OXR1: variants seen among roughly 807,000 people sequenced by gnomAD.
OXR1 encodes oxidation resistance protein 1.
A neutral mutation model predicts 104.6 loss-of-function variants in OXR1; 41 were observed. The ratio of observed to expected loss-of-function variants is 0.39; its 90% CI spans 0.31 to 0.51. The LOEUF (loss-of-function observed/expected upper bound fraction) is 0.51, where lower values mean the gene tolerates loss of function less well. Among genes scored for constraint, OXR1 ranks in the 20% least tolerant of loss-of-function variants. The probability of loss-of-function intolerance (pLI) is 0.77; values close to 1 mark genes in which losing one functional copy is unlikely to be tolerated. For missense variants in OXR1, 955 were observed against 1,031.9 expected (o/e 0.93, Z 1.02); for synonymous variants, 348 against 348.4 (o/e 1.00, Z 0.01).
chr8:106,719,439 C>T (rs1563743885), intron 11 of OXR1, among the ~76,000 whole-genome samples: 1 of 152,144 alleles, frequency 6.6e-6, no homozygotes, highest in Admixed American at 6.5e-5. Flanking sequence ...TCCAATTGTT[C>T]ATAGTTATTC....
At chr8:106,569,883 T>A (rs1486266634) in intron 3 of OXR1, among the ~76,000 whole-genome samples, 1 of 152,242 alleles carries the variant, frequency 6.6e-6, no homozygotes, top group African/African-American at 2.4e-5. Context: ...TGGAATCAAA[T>A]GTGAAATGTC....
chr8:106,713,343 T>C (rs536284736), intron 10 of OXR1, among the ~76,000 whole-genome samples: 2 of 152,060 alleles, frequency 1.3e-5, no homozygotes, highest in Admixed American at 6.6e-5. Context: ...TAAGATTAGA[T>C]CATCTGTCTC....
Position 106,741,170 on chromosome 8 carries a change from A to G in OXR1, c.2316+675A>G, listed in dbSNP as rs28924687. ...TCAACTTGCCCAAGGTTACATACCC[A>G]AGAAAAAGTATTTGCACCAATGAAA... On this transcript the variant is annotated intron_variant, in intron 14 of 16. Transcript: ENST00000517566. 2.6e-3 allele frequency among the ~76,000 whole-genome samples: 393 copies of G among 152,306 alleles called. 3 individuals are homozygous for G. Among genetic ancestry groups the G allele is most frequent in the Middle Eastern group, 3.4e-3 (1 of 294 alleles).
chr8:106,302,711 A>C (rs762624848), intron 1 of OXR1, among the ~76,000 whole-genome samples: 20 of 152,000 alleles, frequency 1.3e-4, no homozygotes, highest in Non-Finnish European at 2.2e-4. Flanking sequence ...ATTTGTGGGG[A>C]AGAAAGGGAA....
chr8:106,622,453 GCACA>G lies in OXR1; in HGVS notation c.221-56727_221-56724del, dbSNP rs34839524. Reference sequence around the variant, plus strand: ...ACAGGGCCCTAACTGATCACCCCCAGCACACACACACACACACACACACACACAC... The same window carrying G: ...ACAGGGCCCTAACTGATCACCCCCAGCACACACACACACACACACACACAC... On this transcript the variant is annotated intron_variant, in intron 3 of 16. Coordinates refer to ENST00000517566, the MANE Select transcript of OXR1 (RefSeq NM_001198533.2). 5.8e-3 allele frequency among the ~76,000 whole-genome samples: 793 copies of G among 136,350 alleles called. 6 individuals carry two copies. The highest frequency in any genetic ancestry group is 0.016 in the African/African-American group (619 of 37,794). The allele number at this position is 136,350 out of a possible 152,430, so 89.5% of individuals were successfully genotyped here. A position where few individuals can be genotyped will look rare whatever the true frequency, so the allele number is the denominator to read the frequency against.
At chr8:106,736,314 T>C (rs1486715701) in intron 11 of OXR1, among the ~76,000 whole-genome samples, 1 of 152,204 alleles carries the variant, frequency 6.6e-6, no homozygotes, top group Non-Finnish European at 1.5e-5. Context: ...CCTCTTTTCC[T>C]TTTTTCTATT....
chr8:106,477,034 T>C (rs1160296408), intron 2 of OXR1, among the ~76,000 whole-genome samples: 2 of 151,994 alleles, frequency 1.3e-5, no homozygotes, highest in Non-Finnish European at 2.9e-5. Flanking sequence ...GATTCACTTA[T>C]CCTGAAATGG....
chr8:106,700,813 A>G (rs1048474191), intron 7 of OXR1, among the ~76,000 whole-genome samples: 1 of 152,206 alleles, frequency 6.6e-6, no homozygotes, highest in African/African-American at 2.4e-5. Flanking sequence ...AACTAATGCA[A>G]AAGTGAAATT....
At chr8:106,533,288 T>C (rs1340756919) in intron 3 of OXR1, among the ~76,000 whole-genome samples, 3 of 152,226 alleles carry the variant, frequency 2.0e-5, no homozygotes, top group Non-Finnish European at 4.4e-5. Context: ...AATTTGTTAA[T>C]TCTTAGCCTC....
At chr8:106,745,737 C>G in intron 15 of OXR1, 52 bp from the exon 16 acceptor site, 8 of 884,822 alleles carry the variant, frequency 9.0e-6, no homozygotes, top group Non-Finnish European at 1.2e-5. Context: ...AACTAACTCT[C>G]TATAATAACC....
chr8:106,413,478 G>A (rs7832354), intron 2 of OXR1, among the ~76,000 whole-genome samples: 7,106 of 152,188 alleles, frequency 0.047, 546 homozygotes, highest in African/African-American at 0.16. Flanking sequence ...GACAGAGGTA[G>A]TGATTGCTAA....
chr8:106,723,732 G>A (rs1023604596), intron 11 of OXR1, among the ~76,000 whole-genome samples: 1 of 152,006 alleles, frequency 6.6e-6, no homozygotes, highest in African/African-American at 2.4e-5. Context: ...GGATTTATGG[G>A]TGACAGACTA....
intron 3 of OXR1, among the ~76,000 whole-genome samples, chr8:106,674,008 A>C (rs1356571087): frequency 3.3e-5 from 5 of 152,328 alleles, no homozygotes; most frequent in African/African-American, 1.2e-4. Context: ...CAGAAGTGAA[A>C]TGTGGGGTCA....
chr8:106,621,897 T>A (rs772675108), intron 3 of OXR1, among the ~76,000 whole-genome samples: 1 of 152,184 alleles, frequency 6.6e-6, no homozygotes, highest in African/African-American at 2.4e-5. Context: ...AGTCATATAC[T>A]GGGGTTTAAA....
chr8:106,713,734 C>A, intron 10 of OXR1, 89 bp from the exon 11 acceptor site: 1 of 724,992 alleles, frequency 1.4e-6, no homozygotes, highest in Non-Finnish European at 2.1e-6. Context: ...TTTAAGTCTT[C>A]AAGATTTATC....
intron 3 of OXR1, among the ~76,000 whole-genome samples, chr8:106,596,868 C>A (rs1368298860): frequency 6.6e-6 from 1 of 152,016 alleles, no homozygotes; most frequent in Non-Finnish European, 1.5e-5. Context: ...TTGTGGCCAG[C>A]ATGGTGAAAC....
At chr8:106,569,483 C>T (rs1201365383) in intron 3 of OXR1, among the ~76,000 whole-genome samples, 1 of 152,148 alleles carries the variant, frequency 6.6e-6, no homozygotes, top group Non-Finnish European at 1.5e-5. Flanking sequence ...CAAATCATCG[C>T]ATCCTAAGTG....
chr8:106,508,306 GAGA>G (rs1439976465), intron 2 of OXR1, among the ~76,000 whole-genome samples: 6 of 152,316 alleles, frequency 3.9e-5, no homozygotes, highest in African/African-American at 1.2e-4. Flanking sequence ...AGTCACTGCT[GAGA>G]AGAAGAAAAG....
intron 1 of OXR1, among the ~76,000 whole-genome samples, chr8:106,352,962 CTT>C (rs1386077893): frequency 3.3e-5 from 5 of 152,160 alleles, no homozygotes; most frequent in Non-Finnish European, 5.9e-5. Context: ...AGAACCCCCT[CTT>C]TTAAAATCTT....
Sources: gnomAD v4.1 joint callset for allele counts (sites outside exome capture counted in the v4.1 genomes callset) on GRCh38, gnomAD v4.1.1 for gene constraint, MANE v1.5 for transcripts, NCBI Gene and HGNC (gene_info 2026-07-23, HGNC 2026-07-21) for gene names.